GRID2: variants seen among roughly 807,000 people sequenced by gnomAD.
The protein encoded by GRID2 is glutamate receptor ionotropic, delta-2.
Under a neutral mutation model 114.8 loss-of-function variants are expected in GRID2, and 33 were observed. The observed-to-expected ratio is 0.29, with a 90% CI of 0.22 to 0.38. The LOEUF (loss-of-function observed/expected upper bound fraction) is 0.38. Among genes scored for constraint, GRID2 ranks in the 10% least tolerant of loss-of-function variants. The pLI, the probability that GRID2 is intolerant of heterozygous loss-of-function variation, is 1.00. For missense variants in GRID2, 1,184 were observed against 1,257.7 expected (o/e 0.94, Z 0.89); for synonymous variants, 505 against 449.9 (o/e 1.12, Z -1.55).
chr4:93,793,744 A>G (rs571556341), intron 1 of GRID2, among the ~76,000 whole-genome samples: 1 of 152,350 alleles, frequency 6.6e-6, no homozygotes, highest in South Asian at 2.1e-4. Flanking sequence ...TTTCCTGTGT[A>G]CAATGAGGGG....
At chr4:93,422,747 G>A (rs1768416159) in intron 9 of GRID2, 24 bp from the exon 10 acceptor site, 4 of 1,510,662 alleles carry the variant, frequency 2.6e-6, no homozygotes, top group Non-Finnish European at 3.7e-6. Context: ...ATTGACATCA[G>A]AAATTTCTCT....
intron 1 of GRID2, among the ~76,000 whole-genome samples, chr4:92,520,262 T>C (rs1724699102): frequency 6.6e-6 from 1 of 151,888 alleles, no homozygotes; most frequent in Admixed American, 6.6e-5. Flanking sequence ...GATAATGTAA[T>C]ATTAATAATA....
intron 1 of GRID2, among the ~76,000 whole-genome samples, chr4:92,538,764 T>C (rs1264462628): frequency 6.6e-6 from 1 of 152,112 alleles, no homozygotes; most frequent in Non-Finnish European, 1.5e-5. Context: ...CATTAATGAA[T>C]GTAAGGTATT....
intron 2 of GRID2, among the ~76,000 whole-genome samples, chr4:92,968,608 A>T (rs999779059): frequency 3.3e-5 from 5 of 151,962 alleles, no homozygotes; most frequent in Admixed American, 6.6e-5. Flanking sequence ...AATTTAGAAA[A>T]CTTAAAAAAT....
intron 8 of GRID2, among the ~76,000 whole-genome samples, chr4:93,374,888 G>T (rs1763231806): frequency 6.6e-6 from 1 of 152,100 alleles, no homozygotes; most frequent in Non-Finnish European, 1.5e-5. Context: ...TTTCTAATCA[G>T]TTGGGACTAA....
intron 12 of GRID2, among the ~76,000 whole-genome samples, chr4:93,509,738 C>G (rs1190601012): frequency 1.3e-5 from 2 of 152,154 alleles, no homozygotes; most frequent in African/African-American, 4.8e-5. Context: ...GCCTGCCTTA[C>G]CCAAGCACCC....
chr4:92,444,294 G>C (rs989962147), intron 1 of GRID2, among the ~76,000 whole-genome samples: 1 of 152,174 alleles, frequency 6.6e-6, no homozygotes, highest in Non-Finnish European at 1.5e-5. Context: ...GGCTGAGTCC[G>C]TAAAGAGAGT....
intron 8 of GRID2, among the ~76,000 whole-genome samples, chr4:93,290,551 A>C (rs2149144171): frequency 6.6e-6 from 1 of 152,002 alleles, no homozygotes; most frequent in Non-Finnish European, 1.5e-5. Context: ...TTTCTTTAAC[A>C]CTTTAGTAAG....
intron 1 of GRID2, among the ~76,000 whole-genome samples, chr4:92,536,503 T>A (rs1297771725): frequency 6.6e-6 from 1 of 152,182 alleles, no homozygotes; most frequent in African/African-American, 2.4e-5. Context: ...CTCTCCCATA[T>A]TTTTTATTCA....
At chr4:93,363,568 T>C (rs973809867) in intron 8 of GRID2, among the ~76,000 whole-genome samples, 2 of 152,170 alleles carry the variant, frequency 1.3e-5, no homozygotes, top group Non-Finnish European at 2.9e-5. Flanking sequence ...TTGTTACTGT[T>C]GTGTGAGTGC....
At chr4:93,122,050 T>G (rs181429762) in intron 4 of GRID2, among the ~76,000 whole-genome samples, 1 of 152,312 alleles carries the variant, frequency 6.6e-6, no homozygotes, top group East Asian at 1.9e-4. Context: ...TCTTCTCTTC[T>G]GTCTGTCTTT....
intron 2 of GRID2, among the ~76,000 whole-genome samples, chr4:92,997,064 T>C (rs912093816): frequency 2.6e-5 from 4 of 152,246 alleles, no homozygotes; most frequent in African/African-American, 7.2e-5. Flanking sequence ...ATCATCATGT[T>C]TGACATCTTA....
intron 1 of GRID2, among the ~76,000 whole-genome samples, chr4:92,350,680 A>C (rs140141632): frequency 2.5e-4 from 38 of 152,006 alleles, no homozygotes; most frequent in African/African-American, 8.2e-4. Context: ...TTATTGAGAT[A>C]TAATTTACAT....
At chr4:93,621,278 A>G (rs1742198677) in intron 13 of GRID2, among the ~76,000 whole-genome samples, 1 of 152,228 alleles carries the variant, frequency 6.6e-6, no homozygotes, top group Non-Finnish European at 1.5e-5. Flanking sequence ...GAGCCTCAAT[A>G]GTTACCAATG....
intron 4 of GRID2, among the ~76,000 whole-genome samples, chr4:93,121,895 T>G (rs1254202249): frequency 6.6e-6 from 1 of 152,224 alleles, no homozygotes; most frequent in African/African-American, 2.4e-5. Flanking sequence ...TGATTTATTT[T>G]GTATATTTAT....
intron 11 of GRID2, among the ~76,000 whole-genome samples, chr4:93,463,891 A>G (rs1242764599): frequency 6.6e-6 from 1 of 152,102 alleles, no homozygotes; most frequent in Non-Finnish European, 1.5e-5. Flanking sequence ...CGGGAGGCTG[A>G]GGCAGGAGAA....
intron 1 of GRID2, among the ~76,000 whole-genome samples, chr4:92,317,895 C>A (rs1295664866): frequency 3.3e-5 from 5 of 152,086 alleles, no homozygotes; most frequent in Admixed American, 3.3e-4. Context: ...CAGTGATTGG[C>A]TCAGTTGCTT....
intron 4 of GRID2, among the ~76,000 whole-genome samples, chr4:93,174,103 A>T (rs1248165392): frequency 6.6e-6 from 1 of 152,222 alleles, no homozygotes; most frequent in Non-Finnish European, 1.5e-5. Flanking sequence ...CATCGAGCTT[A>T]TTCAGATTTC....
At chr4:93,694,029 G>A (rs1296838174) in intron 14 of GRID2, among the ~76,000 whole-genome samples, 1 of 152,128 alleles carries the variant, frequency 6.6e-6, no homozygotes. Context: ...AGCACTGGAA[G>A]GATTTTAGTC....
Sources: gnomAD v4.1 joint callset for allele counts (sites outside exome capture counted in the v4.1 genomes callset) on GRCh38, gnomAD v4.1.1 for gene constraint, MANE v1.5 for transcripts, NCBI Gene and HGNC (gene_info 2026-07-23, HGNC 2026-07-21) for gene names.